Variants in RIPOR2 observed in about 807,000 individuals in gnomAD.
The protein encoded by RIPOR2 is RHO family interacting cell polarization regulator 2.
In RIPOR2, 39 loss-of-function variants were observed where a neutral mutation model predicts 114.5. The ratio of observed to expected loss-of-function variants is 0.34; its 90% CI spans 0.26 to 0.44. RIPOR2 has a LOEUF of 0.44. Ranked by LOEUF, RIPOR2 falls within the 20% of genes least tolerant of loss-of-function variation. RIPOR2 has a pLI of 1.00. For missense variants in RIPOR2, 1,007 were observed against 1,255.1 expected, an observed-to-expected ratio of 0.80 and a Z score of 2.99; for synonymous variants, 445 against 484.4, an observed-to-expected ratio of 0.92 and a Z score of 1.07.
At chr6:24,825,925 CTTT>C (rs11454820) in intron 18 of RIPOR2, among the ~76,000 whole-genome samples, 3,601 of 126,270 alleles carry the variant, frequency 0.029, 132 homozygotes, top group African/African-American at 0.091. Context: ...ATGTTTTTCT[CTTT>C]TTTTTTTTTT....
rs1781233272 is a variant in RIPOR2, at chr6:24,812,390, C to A, written c.2953-2583G>T. ...CATTCTAACTGGTGTGAGATGATAT[C>A]TCATAGTGGTTTTGATTTGCATTTC... On this transcript the variant is annotated intron_variant, in intron 20 of 21. Coordinates refer to ENST00000643898, the MANE Select transcript of RIPOR2 (RefSeq NM_001286445.3). Among the ~76,000 whole-genome samples, 2 of 46,032 alleles carry A rather than the reference C, an allele frequency of 4.3e-5. 1 individual carries two copies. The highest frequency in any genetic ancestry group is 1.3e-4 in the Non-Finnish European group (2 of 15,288). The allele number at this position is 46,032 out of a possible 152,430, so 30.2% of individuals were successfully genotyped here. A position where few individuals can be genotyped will look rare whatever the true frequency, so the allele number is the denominator to read the frequency against.
chr6:24,887,663 T>C (rs1178638995), intron 1 of RIPOR2, among the ~76,000 whole-genome samples: 1 of 152,142 alleles, frequency 6.6e-6, no homozygotes, highest in South Asian at 2.1e-4. Context: ...GACAGCAGAG[T>C]ACGTTGAAGC....
chr6:24,936,378 G>T (rs993634244), upstream of RIPOR2, among the ~76,000 whole-genome samples: 1 of 152,148 alleles, frequency 6.6e-6, no homozygotes, highest in African/African-American at 2.4e-5. Flanking sequence ...AACCAAAGCA[G>T]GCATTTAGAG....
chr6:24,933,477 A>G (rs1771546914), intron 1 of RIPOR2, among the ~76,000 whole-genome samples: 1 of 152,230 alleles, frequency 6.6e-6, no homozygotes, highest in Non-Finnish European at 1.5e-5. Flanking sequence ...ATGAGGCAGC[A>G]GCTGGACATG....
intron 1 of RIPOR2, among the ~76,000 whole-genome samples, chr6:24,975,914 G>A (rs1472052050): frequency 6.6e-6 from 1 of 152,074 alleles, no homozygotes; most frequent in Non-Finnish European, 1.5e-5. Context: ...TTGGTTGGTT[G>A]TATAACAACG....
At chr6:24,919,726 G>A (rs1273862378) in intron 1 of RIPOR2, among the ~76,000 whole-genome samples, 3 of 152,196 alleles carry the variant, frequency 2.0e-5, no homozygotes, top group South Asian at 4.1e-4. Context: ...ACGTACACAG[G>A]CCTCTCTGAG....
In RIPOR2 at chr6:24,843,385, A is replaced by C; in HGVS notation, c.1334T>G (p.Phe445Cys). 1 of 1,613,862 alleles carries C rather than the reference A, an allele frequency of 6.2e-7. No individual in the cohort carries two copies. Among genetic ancestry groups the C allele is most frequent in the South Asian group, 1.1e-5 (1 of 91,072 alleles). ...CTGGGAGGCCAAGCTGCTGAGGTTA[A>C]ACTCCGCAGGGGTGATGGTAATTTC... Reference protein sequence around the residue: ...NPEITITPAEFNLSSLASQNE... With the variant: ...NPEITITPAECNLSSLASQNE... Residue 445 changes from phenylalanine (F) to cysteine (C), a missense_variant, in exon 13 of 22, where the codon TTT (phenylalanine) becomes TGT (cysteine). Coordinates refer to ENST00000643898, the MANE Select transcript of RIPOR2 (RefSeq NM_001286445.3).
intron 1 of RIPOR2, among the ~76,000 whole-genome samples, chr6:25,001,955 G>A (rs373573311): frequency 6.6e-6 from 1 of 151,794 alleles, no homozygotes; most frequent in African/African-American, 2.4e-5. Flanking sequence ...TGATCCACCC[G>A]CCTCAGCCTC....
intron 1 of RIPOR2, among the ~76,000 whole-genome samples, chr6:25,005,003 A>G (rs1235111236): frequency 4.0e-5 from 6 of 150,504 alleles, no homozygotes; most frequent in African/African-American, 1.5e-4. Context: ...ACACACACAC[A>G]CACACACACA....
chr6:24,906,966 G>A (rs1414946791), intron 1 of RIPOR2, among the ~76,000 whole-genome samples: 3 of 152,126 alleles, frequency 2.0e-5, no homozygotes, highest in Non-Finnish European at 1.5e-5. Flanking sequence ...TATTGAATGC[G>A]ATGTCTAACT....
At chr6:24,861,907 A>T (rs61651225) in intron 7 of RIPOR2, among the ~76,000 whole-genome samples, 22,769 of 152,182 alleles carry the variant, frequency 0.15, 1,747 homozygotes, top group African/African-American at 0.17. Flanking sequence ...TAGGTTTGAA[A>T]TTTTTCTTAA....
intron 1 of RIPOR2, among the ~76,000 whole-genome samples, chr6:24,888,657 A>AT (rs1767052987): frequency 6.6e-6 from 1 of 152,220 alleles, no homozygotes; most frequent in African/African-American, 2.4e-5. Flanking sequence ...CCAGTAGGAA[A>AT]TTGAATTGAG....
intron 1 of RIPOR2, among the ~76,000 whole-genome samples, chr6:24,954,837 T>G (rs1226645708): frequency 6.6e-6 from 1 of 152,208 alleles, no homozygotes; most frequent in African/African-American, 2.4e-5. Flanking sequence ...CCAAGAGTCC[T>G]AGCATTGATA....
chr6:24,908,686 G>T (rs749614571), intron 1 of RIPOR2, among the ~76,000 whole-genome samples: 15 of 152,278 alleles, frequency 9.9e-5, no homozygotes, highest in Middle Eastern at 6.8e-3. Context: ...CTAAAGAGAA[G>T]AATTTTTATG....
At chr6:24,823,592 G>A (rs57596299) in intron 19 of RIPOR2, among the ~76,000 whole-genome samples, 3,857 of 152,198 alleles carry the variant, frequency 0.025, 154 homozygotes, top group African/African-American at 0.086. Flanking sequence ...GGACACAGTA[G>A]TCACATAATG....
At position 24,935,959 on chromosome 6, in the gene RIPOR2, C is replaced by T; in HGVS notation, c.-61G>A. On this transcript the variant is annotated 5_prime_UTR_variant, in exon 1 of 22. The change creates a new upstream start codon in the 5' untranslated region. Coordinates refer to ENST00000643898, the MANE Select transcript of RIPOR2 (RefSeq NM_001286445.3). ...AGCCCCGGCAGTCTCAGCAGTCACACTGCCGACCGAGGTGATTTCCTTTCC... is the reference window on the plus strand; with the variant it reads ...AGCCCCGGCAGTCTCAGCAGTCACATTGCCGACCGAGGTGATTTCCTTTCC... 1 of 1,271,496 alleles carries T rather than the reference C, an allele frequency of 7.9e-7. No individual in the cohort carries two copies. Among genetic ancestry groups the T allele is most frequent in the Non-Finnish European group, 1.1e-6 (1 of 907,920 alleles). 78.8% of individuals were successfully genotyped at this position (1,271,496 alleles called of 1,614,324 possible).
intron 12 of RIPOR2, 52 bp from the exon 13 acceptor site, chr6:24,843,606 G>A (rs185045869): frequency 1.5e-4 from 198 of 1,288,928 alleles, no homozygotes; most frequent in Middle Eastern, 1.4e-3. Flanking sequence ...GATGCATTTG[G>A]CTTGGCATGG....
intron 15 of RIPOR2, among the ~76,000 whole-genome samples, chr6:24,835,028 G>T (rs1027876432): frequency 1.3e-5 from 2 of 152,186 alleles, no homozygotes; most frequent in Non-Finnish European, 2.9e-5. Flanking sequence ...CAAGGAGAAA[G>T]CTCTTAAGTA....
At chr6:25,007,729 G>C (rs768373069) in intron 1 of RIPOR2, among the ~76,000 whole-genome samples, 10 of 151,388 alleles carry the variant, frequency 6.6e-5, no homozygotes, top group South Asian at 2.1e-4. Context: ...GGCTTCAACT[G>C]TATCATCTCT....
Sources: allele counts gnomAD v4.1 joint callset (sites outside exome capture counted in the v4.1 genomes callset), GRCh38; gene constraint gnomAD v4.1.1; transcripts MANE v1.5; gene names NCBI Gene and HGNC (gene_info 2026-07-23, HGNC 2026-07-21).